NSMAF: variants seen among roughly 807,000 people sequenced by gnomAD.
The protein encoded by NSMAF is neutral sphingomyelinase activation associated factor, also known as protein FAN.
A neutral mutation model predicts 134.9 loss-of-function variants in NSMAF; 90 were observed. The observed-to-expected ratio is 0.67, with a 90% CI of 0.56 to 0.79. The LOEUF (loss-of-function observed/expected upper bound fraction) is 0.79, where lower values mean the gene tolerates loss of function less well. Among genes scored for constraint, NSMAF ranks in the 30% least tolerant of loss-of-function variants. The probability of loss-of-function intolerance (pLI) is 0.00; values close to 1 mark genes in which losing one functional copy is unlikely to be tolerated. For synonymous variants in NSMAF, 358 were observed against 389.6 expected, an observed-to-expected ratio of 0.92 and a Z score of 0.96; for missense variants, 1,010 against 1,119.0, an observed-to-expected ratio of 0.90 and a Z score of 1.39.
chr8:58,659,744 G>GC lies in NSMAF; in HGVS notation c.-114_-113insG. On this transcript the variant is annotated 5_prime_UTR_variant, in exon 1 of 31. Transcript: ENST00000038176. ...ATTGGTGGCCGGCTGGGGAGCGCGC[G>GC]GCTGCCGGCCTGGCTTCCCCTGCGG... 1.2e-6 allele frequency: 1 copy of GC among 847,356 alleles called. No individual in the cohort carries two copies. Among genetic ancestry groups the GC allele is most frequent in the Non-Finnish European group, 1.6e-6 (1 of 640,764 alleles). The allele number at this position is 847,356 out of a possible 1,614,324, so 52.5% of individuals were successfully genotyped here. A position where few individuals can be genotyped will look rare whatever the true frequency, so the allele number is the denominator to read the frequency against.
rs1805832273 is a variant in NSMAF, at chr8:58,584,213, C to T, written c.2660-13G>A. On this transcript the variant is annotated splice_polypyrimidine_tract_variant and intron_variant, in intron 30 of 30. Transcript: ENST00000038176. ...CATGTCACAGCACCTGAGAGAAAGA[C>T]ATTTTGGTTAGTTAGGAAGTTGACC... The T allele has an allele frequency of 6.2e-7, 1 of 1,607,032 alleles. No individual in the cohort carries two copies.
rs1192071332 is a variant in NSMAF at position 58,658,101 on chromosome 8, T to C, written c.59+1472A>G. Reference sequence around the variant, plus strand: ...CACGAATGACTCATATCATACAACATGATGCCAATTCAAGTGTGTCAAAGT... The same window carrying C: ...CACGAATGACTCATATCATACAACACGATGCCAATTCAAGTGTGTCAAAGT... On this transcript the variant is annotated intron_variant, in intron 1 of 30. Coordinates refer to ENST00000038176, the MANE Select transcript of NSMAF (RefSeq NM_003580.4). Among the ~76,000 whole-genome samples the C allele has an allele frequency of 9.8e-5, 15 of 152,316 alleles. No homozygotes were observed. The South Asian group carries it at 3.1e-3, about 32-fold the overall frequency.
chr8:58,604,864 C>T (rs1313195862), intron 12 of NSMAF, among the ~76,000 whole-genome samples: 1 of 152,096 alleles, frequency 6.6e-6, no homozygotes, highest in African/African-American at 2.4e-5. Context: ...CCACTTCAGC[C>T]TCTCGAGTAG....
chr8:58,602,047 A>T lies in NSMAF; in HGVS notation c.1125+11T>A. The T allele has an allele frequency of 6.2e-7, 1 of 1,603,450 alleles. No individual in the cohort carries two copies. Among genetic ancestry groups the T allele is most frequent in the Non-Finnish European group, 8.5e-7 (1 of 1,172,808 alleles). On this transcript the variant is annotated intron_variant, in intron 14 of 30. Transcript: ENST00000038176. Reference sequence around the variant, plus strand: ...GTTGCTTAGAAACCAAGAATCTCTAAGTCCACATACCAGTAGTCTCTCCAG... The same window carrying T: ...GTTGCTTAGAAACCAAGAATCTCTATGTCCACATACCAGTAGTCTCTCCAG...
intron 2 of NSMAF, among the ~76,000 whole-genome samples, chr8:58,639,591 T>C (rs1007619481): frequency 2.0e-5 from 3 of 152,268 alleles, no homozygotes; most frequent in East Asian, 3.9e-4. Flanking sequence ...TATCCAGCAA[T>C]CCCACTTCTG....
intron 24 of NSMAF, 35 bp downstream of exon 24, chr8:58,590,832 G>T: frequency 6.5e-7 from 1 of 1,528,076 alleles, no homozygotes; most frequent in South Asian, 1.1e-5. Flanking sequence ...ACTACTACAC[G>T]GATTTCTATC....
Position 58,600,222 on chromosome 8 carries a change from G to A in NSMAF, c.1281-201C>T, listed in dbSNP as rs575907997. 2.1e-4 allele frequency: 123 copies of A among 584,522 alleles called. 1 individual carries two copies. Among genetic ancestry groups the A allele is most frequent in the Admixed American group, 1.5e-3 (47 of 31,872 alleles). 36.2% of individuals were successfully genotyped at this position (584,522 alleles called of 1,614,324 possible). On this transcript the variant is annotated intron_variant, in intron 16 of 30. Transcript: ENST00000038176. ...CCAGAGAGTTTATGTAACTTCTCCA[G>A]GGTCACATGGCGGGAGTGGGCATAG...
chr8:58,601,185 T>G (rs112124743), intron 16 of NSMAF, 100 bp downstream of exon 16: 1 of 1,013,598 alleles, frequency 9.9e-7, no homozygotes. Flanking sequence ...TTTTTTACAT[T>G]TCTTTACTTT....
chr8:58,630,380 T>C (rs78313259), intron 6 of NSMAF, among the ~76,000 whole-genome samples: 2,096 of 152,192 alleles, frequency 0.014, 53 homozygotes, highest in African/African-American at 0.048. Context: ...AAAAGAGCTT[T>C]TCTTTACTCA....
chr8:58,659,790 C>A lies in NSMAF; in HGVS notation c.-159G>T. On this transcript the variant is annotated 5_prime_UTR_variant, in exon 1 of 31. Coordinates refer to ENST00000038176, the MANE Select transcript of NSMAF (RefSeq NM_003580.4). ...TGCGGCGCCGCTGGGCGGCCGAGAG[C>A]CCGACGCGGCGTCCCGGCCGCGCTC... is the stretch of plus-strand genomic sequence containing the variant. 1 of 389,032 alleles carries A rather than the reference C, an allele frequency of 2.6e-6. No homozygotes were observed. Among genetic ancestry groups the A allele is most frequent in the Non-Finnish European group, 4.2e-6 (1 of 240,192 alleles). 24.1% of individuals were successfully genotyped at this position (389,032 alleles called of 1,614,324 possible). A position where few individuals can be genotyped will look rare whatever the true frequency, so the allele number is the denominator to read the frequency against.
chr8:58,642,519 C>T (rs1806931769), intron 2 of NSMAF, among the ~76,000 whole-genome samples: 1 of 152,150 alleles, frequency 6.6e-6, no homozygotes, highest in African/African-American at 2.4e-5. Context: ...TTATACCACT[C>T]TTGTGGTTTA....
At chr8:58,591,826 A>C (rs1366526611) in intron 23 of NSMAF, among the ~76,000 whole-genome samples, 1 of 152,066 alleles carries the variant, frequency 6.6e-6, no homozygotes, top group African/African-American at 2.4e-5. Flanking sequence ...ACAAATTACA[A>C]GGCTCTAATG....
chr8:58,602,391 A>C (rs1483504638), intron 13 of NSMAF, among the ~76,000 whole-genome samples: 1 of 152,202 alleles, frequency 6.6e-6, no homozygotes, highest in Non-Finnish European at 1.5e-5. Flanking sequence ...TTTTTAAAAA[A>C]GTTTCTGATT....
At chr8:58,643,990 GA>G (rs2129147468) in intron 1 of NSMAF, among the ~76,000 whole-genome samples, 2 of 152,274 alleles carry the variant, frequency 1.3e-5, no homozygotes, top group African/African-American at 4.8e-5. Flanking sequence ...AAGTCATTAA[GA>G]AAAATTATTA....
chr8:58,600,621 C>CAAAAAAAAAA (rs35209612), intron 16 of NSMAF, among the ~76,000 whole-genome samples: 4 of 44,682 alleles, frequency 9.0e-5, no homozygotes, highest in African/African-American at 2.7e-4. Context: ...GACTCTGTCT[C>CAAAAAAAAAA]AAAAAAAAAA....
chr8:58,588,867 T>C (rs1325773838), intron 26 of NSMAF: 3 of 692,192 alleles, frequency 4.3e-6, no homozygotes, highest in South Asian at 3.1e-5. Context: ...CTACTATACA[T>C]TTCTTTCTAA....
intron 12 of NSMAF, among the ~76,000 whole-genome samples, chr8:58,604,837 A>C (rs1371250674): frequency 6.6e-6 from 1 of 152,070 alleles, no homozygotes; most frequent in African/African-American, 2.4e-5. Flanking sequence ...TTGACCTCCC[A>C]GGCTCAAGCG....
intron 30 of NSMAF, among the ~76,000 whole-genome samples, 198 bp downstream of exon 30, chr8:58,585,454 G>C (rs947675239): frequency 6.6e-6 from 1 of 151,918 alleles, no homozygotes. Context: ...TCCAATGGCT[G>C]TTAACATAAA....
chr8:58,593,441 G>A (rs1806064269), intron 23 of NSMAF, among the ~76,000 whole-genome samples: 1 of 152,172 alleles, frequency 6.6e-6, no homozygotes, highest in South Asian at 2.1e-4. Context: ...CTTAATGAAT[G>A]AAAAATATAA....
Sources: allele counts gnomAD v4.1 joint callset (sites outside exome capture counted in the v4.1 genomes callset), GRCh38; gene constraint gnomAD v4.1.1; transcripts MANE v1.5; gene names NCBI Gene and HGNC (gene_info 2026-07-23, HGNC 2026-07-21).